KANTR: variants seen among roughly 807,000 people sequenced by gnomAD.
KANTR encodes KANTR integral membrane protein.
At chrX:53,096,217 C>T (rs1342070388) in intron 1 of KANTR, among the ~76,000 whole-genome samples, 1 of 111,725 alleles carries the variant, frequency 9.0e-6, no homozygotes, top group Non-Finnish European at 1.9e-5. Context: ...TGTTTATTGT[C>T]TGACTCTCCC....
At chrX:53,132,252 AATT>A (rs1933368167), downstream of KANTR, among the ~76,000 whole-genome samples, 1 of 111,858 alleles carries the variant, frequency 8.9e-6, no homozygotes, top group Non-Finnish European at 1.9e-5. Context: ...CTGATCCTAA[AATT>A]CATATGGAAA....
chrX:53,108,993 T>C lies in KANTR; in HGVS notation c.-805+9385T>C, dbSNP rs9699216. Among the ~76,000 whole-genome samples, 884 of 112,139 alleles carry C rather than the reference T, an allele frequency of 7.9e-3. 9 individuals are homozygous for C. The highest frequency in any genetic ancestry group is 0.027 in the African/African-American group (845 of 30,904). ...CTGGGATTACCAGCTTTGTTCTTTT[T>C]GCTCCAGATTACTTTGGCTATTTGG... is the stretch of plus-strand genomic sequence containing the variant. On this transcript the variant is annotated intron_variant, in intron 2 of 2. Transcript: ENST00000604062.
At chrX:53,135,422 A>G in intron 2 of KANTR, among the ~76,000 whole-genome samples, 1 of 111,930 alleles carries the variant, frequency 8.9e-6, no homozygotes, top group Non-Finnish European at 1.9e-5. Context: ...ACTGATGGAC[A>G]AATGGACATT....
rs1436700079 is a variant in KANTR at position 53,109,333 on chromosome X, A to G, written c.-805+9725A>G. On this transcript the variant is annotated intron_variant, in intron 2 of 2. Transcript: ENST00000604062. ...GTTTCGCTCTTGTTGCCCAGGCTGG[A>G]GTATGCAGTGGCGCGATCTCATCTC... Among the ~76,000 whole-genome samples the G allele has an allele frequency of 3.6e-5, 4 of 112,199 alleles. No homozygotes were observed. In the Admixed American group the frequency reaches 3.8e-4, roughly 11 times the overall value.
At chrX:53,143,888 A>T, downstream of KANTR, 1 of 434,931 alleles carries the variant, frequency 2.3e-6, no homozygotes, top group Admixed American at 2.9e-5. Context: ...ATTGTCAATG[A>T]TGAGCGCGGC....
exon 3 of KANTR, chrX:53,123,755 G>T (rs1353748705): frequency 2.7e-5 from 3 of 111,928 alleles, no homozygotes; most frequent in Non-Finnish European, 5.6e-5. Context: ...GACTACAGGA[G>T]CTGGCTACTG....
At chrX:53,145,397 C>T (rs183342916), downstream of KANTR, among the ~76,000 whole-genome samples, 16 of 112,153 alleles carry the variant, frequency 1.4e-4, no homozygotes, top group African/African-American at 2.9e-4. Context: ...CACAGATTCT[C>T]GCTCATTGCT....
exon 3 of KANTR, chrX:53,125,158 C>T (rs1466964180): frequency 9.0e-6 from 1 of 111,599 alleles, no homozygotes; most frequent in Non-Finnish European, 1.9e-5. Context: ...ATGACCCTCT[C>T]TATTCCTGAT....
intron 3 of KANTR, among the ~76,000 whole-genome samples, chrX:53,147,713 G>T (rs1304248291): frequency 1.8e-5 from 2 of 110,591 alleles, no homozygotes; most frequent in Non-Finnish European, 3.8e-5. Flanking sequence ...CCACATAGTT[G>T]GAAGTAAAGC....
At chrX:53,142,678 A>G (rs782031565) in exon 3 of KANTR, 1 of 355,285 alleles carries the variant, frequency 2.8e-6, no homozygotes, top group African/African-American at 2.6e-5. Context: ...TGCATTTGCC[A>G]GGGGCAAATT....
intron 2 of KANTR, chrX:53,113,190 C>G (rs1383731259): frequency 5.2e-4 from 116 of 224,440 alleles, no homozygotes; most frequent in Non-Finnish European, 7.1e-5. Context: ...ATTGAGGTGC[C>G]CTTATCAACG....
At chrX:53,121,613 T>C in intron 2 of KANTR, among the ~76,000 whole-genome samples, 1 of 106,619 alleles carries the variant, frequency 9.4e-6, no homozygotes, top group Non-Finnish European at 1.9e-5. Flanking sequence ...TTTTTTTTTG[T>C]TTGTTTGTTT....
chrX:53,103,497 C>G (rs187282434), intron 2 of KANTR, among the ~76,000 whole-genome samples: 398 of 111,305 alleles, frequency 3.6e-3, no homozygotes, highest in Non-Finnish European at 6.4e-3. Flanking sequence ...CCATGACCCA[C>G]TGTTACAATC....
intron 1 of KANTR, among the ~76,000 whole-genome samples, chrX:53,098,050 CAAAAAAA>C (rs782145330): frequency 4.5e-5 from 2 of 44,270 alleles, no homozygotes; most frequent in African/African-American, 1.5e-4. Context: ...GACTCTGTCT[CAAAAAAA>C]AAAAAAAAAA....
downstream of KANTR, among the ~76,000 whole-genome samples, chrX:53,127,827 C>A (rs782346039): frequency 1.3e-4 from 14 of 111,354 alleles, no homozygotes; most frequent in Non-Finnish European, 2.3e-4. Context: ...CGGTGAGGAA[C>A]TGTTTCCTGG....
intron 2 of KANTR, among the ~76,000 whole-genome samples, chrX:53,115,481 G>A (rs1279616153): frequency 4.4e-5 from 5 of 112,790 alleles, no homozygotes; most frequent in African/African-American, 1.3e-4. Flanking sequence ...AGTCTATGGG[G>A]GCTAGCCTGG....
chrX:53,116,481 A>G (rs1027944655), intron 2 of KANTR, among the ~76,000 whole-genome samples: 1 of 111,726 alleles, frequency 9.0e-6, no homozygotes, highest in East Asian at 2.8e-4. Flanking sequence ...AAAGTTTCCT[A>G]TGGTTGTCTC....
At chrX:53,129,923 G>A (rs1933340711), downstream of KANTR, among the ~76,000 whole-genome samples, 1 of 109,367 alleles carries the variant, frequency 9.1e-6, no homozygotes, top group Admixed American at 9.9e-5. Context: ...CTGGAGTGCA[G>A]TGGCGCGATC....
At chrX:53,107,188 C>CT (rs1273564112) in intron 2 of KANTR, among the ~76,000 whole-genome samples, 1,024 of 96,209 alleles carry the variant, frequency 0.011, 16 homozygotes, top group Non-Finnish European at 0.015. Flanking sequence ...CAATTTCTTT[C>CT]TTTTTTTTTT....
Sources: allele counts gnomAD v4.1 joint callset (sites outside exome capture counted in the v4.1 genomes callset), GRCh38; gene constraint gnomAD v4.1.1; transcripts MANE v1.5; gene names NCBI Gene and HGNC (gene_info 2026-07-23, HGNC 2026-07-21).